DYNLL2: variants seen among roughly 807,000 people sequenced by gnomAD.
The protein encoded by DYNLL2 is dynein light chain LC8-type 2, also known as dynein light chain 2, cytoplasmic.
In DYNLL2, 1 loss-of-function variant was observed where a neutral mutation model predicts 9.7. The ratio of observed to expected loss-of-function variants is 0.10; its 90% CI spans 0.04 to 0.49. The LOEUF is 0.49. Ranked by LOEUF, DYNLL2 falls within the 20% of genes least tolerant of loss-of-function variation. The probability of loss-of-function intolerance (pLI) is 0.95; values close to 1 mark genes in which losing one functional copy is unlikely to be tolerated. For missense variants in DYNLL2, 37 were observed against 115.2 expected (o/e 0.32, Z 3.11); for synonymous variants, 35 against 40.5 (o/e 0.86, Z 0.52).
rs571670186 is a variant in DYNLL2 at position 58,089,425 on chromosome 17, T to G, written c.*146T>G. On this transcript the variant is annotated 3_prime_UTR_variant, in exon 3 of 3. Transcript: ENST00000579991. ...GACTGTATACTCGATTTCATGTGTA[T>G]GTCGCAGTAAACAAAACCAAACCTC... 1 of 1,076,682 alleles carries G rather than the reference T, an allele frequency of 9.3e-7. No individual in the cohort carries two copies. The highest frequency in any genetic ancestry group is 1.9e-5 in the South Asian group (1 of 51,662). 66.7% of individuals were successfully genotyped at this position (1,076,682 alleles called of 1,614,324 possible).
Position 58,084,045 on chromosome 17 carries a change from G to C in DYNLL2, c.-10+362G>C, listed in dbSNP as rs1270353035. Among the ~76,000 whole-genome samples the C allele has an allele frequency of 2.0e-5, 3 of 152,134 alleles. No homozygotes were observed. The East Asian group carries it at 5.9e-4, about 30-fold the overall frequency. On this transcript the variant is annotated intron_variant, in intron 1 of 2. Transcript: ENST00000579991. ...GAGGGGGTGGAGAGGGCTCGGGCGTGACGCGGCTCCTCCTGCCGCCACCGC... is the reference window on the plus strand; with the variant it reads ...GAGGGGGTGGAGAGGGCTCGGGCGTCACGCGGCTCCTCCTGCCGCCACCGC...
chr17:58,085,342 C>T (rs1325861336), intron 1 of DYNLL2, among the ~76,000 whole-genome samples: 1 of 152,286 alleles, frequency 6.6e-6, no homozygotes, highest in South Asian at 2.1e-4. Context: ...TCTGTTTTCC[C>T]TTTCAGCCAT....
In DYNLL2 at chr17:58,090,545, A is replaced by C. The variant is rs2075776465; in HGVS notation, c.*1266A>C. 1 of 152,190 alleles carries C rather than the reference A, an allele frequency of 6.6e-6. No individual in the cohort carries two copies. Among genetic ancestry groups the C allele is most frequent in the Admixed American group, 6.6e-5 (1 of 15,254 alleles). 9.4% of individuals were successfully genotyped at this position (152,190 alleles called of 1,614,324 possible). On this transcript the variant is annotated 3_prime_UTR_variant, in exon 3 of 3. Transcript: ENST00000579991. ...TGGAGCTGGGTCTCAGTGCAGAGGG[A>C]CAGTGACTGTGGATGGTTGCAGTCT...
Position 58,093,414 on chromosome 17 carries a change from G to C in DYNLL2, c.*4135G>C, listed in dbSNP as rs1158285909. ...CAGTTTATGTTGCTGAAACCTGAGA[G>C]CGCCCCCCTGAGCTAGACTCAGTAA... On this transcript the variant is annotated 3_prime_UTR_variant, in exon 3 of 3. Coordinates refer to ENST00000579991, the MANE Select transcript of DYNLL2 (RefSeq NM_080677.3). The C allele has an allele frequency of 6.6e-6, 1 of 152,174 alleles. No homozygotes were observed. Among genetic ancestry groups the C allele is most frequent in the African/African-American group, 2.4e-5 (1 of 41,426 alleles). 9.4% of individuals were successfully genotyped at this position (152,174 alleles called of 1,614,324 possible).
At chr17:58,087,778 G>A (rs2075765615) in intron 2 of DYNLL2, among the ~76,000 whole-genome samples, 1 of 152,156 alleles carries the variant, frequency 6.6e-6, no homozygotes, top group Admixed American at 6.5e-5. Context: ...CAATAATGGG[G>A]CCATAGGTTT....
At position 58,089,376 on chromosome 17, in the gene DYNLL2, C is replaced by T; in HGVS notation, c.*97C>T. ...ACTGGAGCCAGCATCAGGATGTCCT[C>T]TCCAATGGCTGTGCTACTGCATGGA... On this transcript the variant is annotated 3_prime_UTR_variant, in exon 3 of 3. Coordinates refer to ENST00000579991, the MANE Select transcript of DYNLL2 (RefSeq NM_080677.3). The T allele has an allele frequency of 4.1e-6, 6 of 1,475,908 alleles. No homozygotes were observed. Among genetic ancestry groups the T allele is most frequent in the Non-Finnish European group, 5.5e-6 (6 of 1,082,976 alleles). The allele number at this position is 1,475,908 out of a possible 1,614,324, so 91.4% of individuals were successfully genotyped here.
intron 1 of DYNLL2, 36 bp from the exon 2 acceptor site, chr17:58,087,046 G>A: frequency 6.2e-7 from 1 of 1,608,358 alleles, no homozygotes. Context: ...CCCAGAGCAA[G>A]GAGTTGTCAG....
Position 58,092,619 on chromosome 17 carries a change from TTGAC to T in DYNLL2, c.*3344_*3347del, listed in dbSNP as rs1439714916. The T allele has an allele frequency of 6.6e-6, 1 of 152,242 alleles. No individual in the cohort carries two copies. The highest frequency in any genetic ancestry group is 1.5e-5 in the Non-Finnish European group (1 of 68,066). The allele number at this position is 152,242 out of a possible 1,614,324, so 9.4% of individuals were successfully genotyped here. A position where few individuals can be genotyped will look rare whatever the true frequency, so the allele number is the denominator to read the frequency against. ...TTCTCCAGTCTTCTGGGGACCCCCTTTGACTGAACCCAACCAAATGGCAGATGAC... is the reference window on the plus strand; with the variant it reads ...TTCTCCAGTCTTCTGGGGACCCCCTTTGAACCCAACCAAATGGCAGATGAC... On this transcript the variant is annotated 3_prime_UTR_variant, in exon 3 of 3. Coordinates refer to ENST00000579991, the MANE Select transcript of DYNLL2 (RefSeq NM_080677.3).
rs2075773375 is a variant in DYNLL2 at position 58,089,738 on chromosome 17, T to C, written c.*459T>C. ...CCAGGGAGGCTGCAGGGGGACAGTG[T>C]TGGGATTGTCAAGGAAAAAGGGGTA... On this transcript the variant is annotated 3_prime_UTR_variant, in exon 3 of 3. Coordinates refer to ENST00000579991, the MANE Select transcript of DYNLL2 (RefSeq NM_080677.3). The C allele has an allele frequency of 2.5e-6, 1 of 403,064 alleles. No homozygotes were observed. The highest frequency in any genetic ancestry group is 4.4e-5 in the Admixed American group (1 of 22,836). The allele number at this position is 403,064 out of a possible 1,614,324, so 25.0% of individuals were successfully genotyped here. A position where few individuals can be genotyped will look rare whatever the true frequency, so the allele number is the denominator to read the frequency against.
chr17:58,085,841 C>T (rs2075758091), intron 1 of DYNLL2, among the ~76,000 whole-genome samples: 1 of 152,188 alleles, frequency 6.6e-6, no homozygotes, highest in Admixed American at 6.5e-5. Flanking sequence ...CTTCAGCATT[C>T]CTTTGAGGAA....
At chr17:58,086,269 C>T (rs761962886) in intron 1 of DYNLL2, among the ~76,000 whole-genome samples, 1 of 152,182 alleles carries the variant, frequency 6.6e-6, no homozygotes, top group Non-Finnish European at 1.5e-5. Flanking sequence ...TGTGAAGGGC[C>T]AGATAGGAAA....
chr17:58,086,651 T>G (rs1405009884), intron 1 of DYNLL2, among the ~76,000 whole-genome samples: 2 of 152,202 alleles, frequency 1.3e-5, no homozygotes, highest in Non-Finnish European at 2.9e-5. Flanking sequence ...GGGACTTAAT[T>G]CTGTTCAAAT....
chr17:58,089,007 G>A (rs2075770495), intron 2 of DYNLL2, 135 bp from the exon 3 acceptor site: 5 of 1,074,076 alleles, frequency 4.7e-6, no homozygotes, highest in African/African-American at 1.6e-5. Context: ...TCGGGGAGCT[G>A]AGGCTGAGGG....
chr17:58,083,589 C>G lies in DYNLL2; in HGVS notation c.-104C>G, dbSNP rs1385350527. 4 of 154,234 alleles carry G rather than the reference C, an allele frequency of 2.6e-5. No homozygotes were observed. Among genetic ancestry groups the G allele is most frequent in the African/African-American group, 9.7e-5 (4 of 41,394 alleles). The allele number at this position is 154,234 out of a possible 1,614,324, so 9.6% of individuals were successfully genotyped here. On this transcript the variant is annotated 5_prime_UTR_variant, in exon 1 of 3. Coordinates refer to ENST00000579991, the MANE Select transcript of DYNLL2 (RefSeq NM_080677.3). The stretch of plus-strand genomic sequence containing the variant: ...ACCGCGGCGGCGGCGGCTGCTGCAG[C>G]TGCAGGAGGAGCCCAGGGAACACCG...
chr17:58,087,265 G>A (rs758007196), intron 2 of DYNLL2, 43 bp downstream of exon 2: 17 of 1,609,218 alleles, frequency 1.1e-5, no homozygotes, highest in Admixed American at 1.7e-5. Flanking sequence ...GGTGGGGATC[G>A]ACAGCTGAGC....
intron 2 of DYNLL2, among the ~76,000 whole-genome samples, chr17:58,088,642 T>C (rs1319602089): frequency 6.6e-6 from 1 of 152,226 alleles, no homozygotes; most frequent in African/African-American, 2.4e-5. Context: ...TTGTCTTATA[T>C]AGTAGTGCCT....
chr17:58,087,071 T>C lies in DYNLL2; in HGVS notation c.-9-11T>C. Reference sequence around the variant, plus strand: ...GGAGTTGTCAGCCTTACCTCTCTGCTCCTTCTGTAGTGTCACACCATGTCT... The same window carrying C: ...GGAGTTGTCAGCCTTACCTCTCTGCCCCTTCTGTAGTGTCACACCATGTCT... On this transcript the variant is annotated splice_polypyrimidine_tract_variant and intron_variant, in intron 1 of 2. Transcript: ENST00000579991. The C allele has an allele frequency of 6.2e-7, 1 of 1,612,460 alleles. No individual in the cohort carries two copies. The highest frequency in any genetic ancestry group is 8.5e-7 in the Non-Finnish European group (1 of 1,178,496).
chr17:58,092,358 C>G lies in DYNLL2; in HGVS notation c.*3079C>G, dbSNP rs1263299226. 3.3e-5 allele frequency: 5 copies of G among 152,250 alleles called. No individual in the cohort carries two copies. Among genetic ancestry groups the G allele is most frequent in the Admixed American group, 6.5e-5 (1 of 15,286 alleles). 9.4% of individuals were successfully genotyped at this position (152,250 alleles called of 1,614,324 possible). A position where few individuals can be genotyped will look rare whatever the true frequency, so the allele number is the denominator to read the frequency against. On this transcript the variant is annotated 3_prime_UTR_variant, in exon 3 of 3. Transcript: ENST00000579991. ...AGGCAGTCCAGGTGGCATCTGTGAA[C>G]AACACATTCCTGCACAGGTAGGTGC... is the stretch of plus-strand genomic sequence containing the variant.
chr17:58,089,599 A>G lies in DYNLL2; in HGVS notation c.*320A>G, dbSNP rs985469725. ...CTATACAAAATAAAAGGCCCACCAT[A>G]GAGACTAGGCGGCCGAAAGACTAGG... is the stretch of plus-strand genomic sequence containing the variant. On this transcript the variant is annotated 3_prime_UTR_variant, in exon 3 of 3. Coordinates refer to ENST00000579991, the MANE Select transcript of DYNLL2 (RefSeq NM_080677.3). 4 of 436,424 alleles carry G rather than the reference A, an allele frequency of 9.2e-6. No homozygotes were observed. Among genetic ancestry groups the G allele is most frequent in the Non-Finnish European group, 1.6e-5 (4 of 252,290 alleles). 27.0% of individuals were successfully genotyped at this position (436,424 alleles called of 1,614,324 possible). A position where few individuals can be genotyped will look rare whatever the true frequency, so the allele number is the denominator to read the frequency against.
Sources: allele counts gnomAD v4.1 joint callset (sites outside exome capture counted in the v4.1 genomes callset), GRCh38; gene constraint gnomAD v4.1.1; transcripts MANE v1.5; gene names NCBI Gene and HGNC (gene_info 2026-07-23, HGNC 2026-07-21).